Variants in CDC42BPB observed in about 807,000 individuals in gnomAD.
The protein encoded by CDC42BPB is CDC42 binding protein kinase beta.
Under a neutral mutation model 214.9 loss-of-function variants are expected in CDC42BPB, and 37 were observed. That is an observed-to-expected ratio of 0.17 (90% CI 0.13 to 0.23). The LOEUF (loss-of-function observed/expected upper bound fraction) is 0.23. CDC42BPB is among the 10% of genes least tolerant of loss of function. The probability of loss-of-function intolerance (pLI) is 1.00; values close to 1 mark genes in which losing one functional copy is unlikely to be tolerated. For synonymous variants in CDC42BPB, 931 were observed against 884.0 expected, an observed-to-expected ratio of 1.05 and a Z score of -0.94; for missense variants, 1,694 against 2,227.0, an observed-to-expected ratio of 0.76 and a Z score of 4.82.
In CDC42BPB at chr14:103,004,660, G is replaced by C. The variant is rs369121441; in HGVS notation, c.352-637C>G. Among the ~76,000 whole-genome samples, 7 of 152,102 alleles carry C rather than the reference G, an allele frequency of 4.6e-5. No individual in the cohort carries two copies. In the East Asian group the frequency reaches 5.8e-4, roughly 13 times the overall value. On this transcript the variant is annotated intron_variant, in intron 3 of 36. Transcript: ENST00000361246. The surrounding 1 kb of genome is among the most constrained non-coding windows in gnomAD (Gnocchi z 5.3). Reference sequence around the variant, plus strand: ...CACGGTGGCTCACACCTGAGGTCAGGAGTTCAAGACCAGCCTGGCCAACAT... The same window carrying C: ...CACGGTGGCTCACACCTGAGGTCAGCAGTTCAAGACCAGCCTGGCCAACAT...
In CDC42BPB at chr14:103,051,845, GT is replaced by G. The variant is rs139059244; in HGVS notation, c.175+5153del. Among the ~76,000 whole-genome samples the G allele has an allele frequency of 2.8e-3, 421 of 149,780 alleles. 1 individual carries two copies. Among genetic ancestry groups the G allele is most frequent in the African/African-American group, 0.01 (401 of 39,448 alleles). ...AGCCCAACTGTCATGGAAGGAAGAG[GT>G]TTTTTGTTTTTTTTTTGGAGACAGG... On this transcript the variant is annotated intron_variant, in intron 1 of 36. Transcript: ENST00000361246.
intron 1 of CDC42BPB, among the ~76,000 whole-genome samples, chr14:103,025,507 A>T (rs1887000426): frequency 7.1e-6 from 1 of 140,118 alleles, no homozygotes; most frequent in Admixed American, 7.1e-5. Context: ...AGTACACATT[A>T]AAAAAAAAAA....
intron 36 of CDC42BPB, among the ~76,000 whole-genome samples, chr14:102,935,529 C>G (rs1454366475): frequency 6.6e-6 from 1 of 152,168 alleles, no homozygotes; most frequent in Non-Finnish European, 1.5e-5. Flanking sequence ...GTGCCTCACG[C>G]CTGTAATCCC....
rs761685326 is a variant in CDC42BPB, at chr14:102,933,775, G to A, written c.5073C>T (p.Pro1691=). ...NSSNPSGPPS[P]NSPHRSQLPL... ...GGAGCTGGCTCCTGTGGGGGGAGTT[G>A]GGGCTCGGTGGGCCGCTGGGGTTGG... The change falls in exon 37 of 37, where the codon CCC becomes CCT. Residue 1691 remains proline, a synonymous_variant. Transcript: ENST00000361246. 6.7e-7 allele frequency: 1 copy of A among 1,500,854 alleles called. No homozygotes were observed. Among genetic ancestry groups the A allele is most frequent in the East Asian group, 2.7e-5 (1 of 37,316 alleles). The allele number at this position is 1,500,854 out of a possible 1,614,324, so 93.0% of individuals were successfully genotyped here. A position where few individuals can be genotyped will look rare whatever the true frequency, so the allele number is the denominator to read the frequency against.
At chr14:102,983,113 C>T (rs1894077660) in intron 7 of CDC42BPB, among the ~76,000 whole-genome samples, 1 of 152,184 alleles carries the variant, frequency 6.6e-6, no homozygotes, top group African/African-American at 2.4e-5. Context: ...GGGGAACAGA[C>T]TTGAGAATCA....
intron 1 of CDC42BPB, among the ~76,000 whole-genome samples, chr14:103,022,339 C>A (rs1428379138): frequency 2.0e-5 from 3 of 152,054 alleles, no homozygotes; most frequent in Admixed American, 6.5e-5. Context: ...GGGGTGGAGA[C>A]AGAAGAGAGA....
In CDC42BPB at chr14:102,954,313, T is replaced by C. The variant is rs774022205; in HGVS notation, c.2989-38A>G. ...CAGGACAGGTGAGTGTCGGCCCAGCTCAGCATGGCTGAGACACCTGGCCCT... is the reference window on the plus strand; with the variant it reads ...CAGGACAGGTGAGTGTCGGCCCAGCCCAGCATGGCTGAGACACCTGGCCCT... On this transcript the variant is annotated intron_variant, in intron 22 of 36. Transcript: ENST00000361246. 115 of 1,475,992 alleles carry C rather than the reference T, an allele frequency of 7.8e-5. No homozygotes were observed. In the African/African-American group the frequency reaches 1.6e-3, roughly 21 times the overall value. 91.4% of individuals were successfully genotyped at this position (1,475,992 alleles called of 1,614,324 possible).
intron 1 of CDC42BPB, among the ~76,000 whole-genome samples, chr14:103,051,426 TAAA>T (rs549332515): frequency 2.2e-4 from 18 of 80,794 alleles, no homozygotes; most frequent in Admixed American, 4.2e-4. Flanking sequence ...CTCTTCCAGC[TAAA>T]AAAAAAAAAA....
intron 1 of CDC42BPB, among the ~76,000 whole-genome samples, chr14:103,051,741 G>A (rs1376661838): frequency 6.6e-6 from 1 of 152,274 alleles, no homozygotes. Context: ...GTGGTATCCT[G>A]AAGTGAGAAC....
Position 102,974,048 on chromosome 14 carries a change from C to T in CDC42BPB, c.1609G>A (p.Val537Met), listed in dbSNP as rs140070781. ...RLRGLEKQHR[V>M]VRQEKEELHK... Reference sequence around the variant, plus strand: ...AGCTCCTCCTTCTCCTGCCGGACCACGCGGTGCTGCTTCTCCAGCCCCCGC... The same window carrying T: ...AGCTCCTCCTTCTCCTGCCGGACCATGCGGTGCTGCTTCTCCAGCCCCCGC... Residue 537 changes from valine (V) to methionine (M), a missense_variant, in exon 12 of 37, where the codon GTG (valine) becomes ATG (methionine). Around this residue, in one of 7 missense-constraint regions of CDC42BPB, gnomAD observed 462 missense variants for 513.5 expected, o/e 0.90. Transcript: ENST00000361246. 156 of 1,613,110 alleles carry T rather than the reference C, an allele frequency of 9.7e-5. 1 individual carries two copies. Among genetic ancestry groups the T allele is most frequent in the African/African-American group, 6.3e-4 (47 of 74,996 alleles).
intron 28 of CDC42BPB, among the ~76,000 whole-genome samples, chr14:102,946,244 C>T (rs1185745864): frequency 1.3e-5 from 2 of 151,992 alleles, no homozygotes; most frequent in East Asian, 1.9e-4. Flanking sequence ...AGGATGGTCT[C>T]AACCTCCTGA....
At chr14:102,942,305 C>T (rs1408193926) in intron 30 of CDC42BPB, among the ~76,000 whole-genome samples, 2 of 152,190 alleles carry the variant, frequency 1.3e-5, no homozygotes, top group African/African-American at 2.4e-5. Context: ...TGGAGCTGGC[C>T]GTGCACCTCA....
In CDC42BPB at chr14:102,954,178, G is replaced by C. The variant is rs1184761202; in HGVS notation, c.3066+20C>G. Reference sequence around the variant, plus strand: ...ACTAAATAACTAAGAAGGCGCCCCGGGTGAAAGCAAGGCCCCTACCTTCGG... The same window carrying C: ...ACTAAATAACTAAGAAGGCGCCCCGCGTGAAAGCAAGGCCCCTACCTTCGG... On this transcript the variant is annotated intron_variant, in intron 23 of 36. Transcript: ENST00000361246. The C allele has an allele frequency of 1.3e-6, 2 of 1,511,730 alleles. No homozygotes were observed. The highest frequency in any genetic ancestry group is 1.8e-6 in the Non-Finnish European group (2 of 1,111,922). The allele number at this position is 1,511,730 out of a possible 1,614,324, so 93.6% of individuals were successfully genotyped here.
chr14:103,053,352 A>G lies in CDC42BPB; in HGVS notation c.175+3647T>C, dbSNP rs140926511. Among the ~76,000 whole-genome samples, 903 of 151,966 alleles carry G rather than the reference A, an allele frequency of 5.9e-3. 7 individuals carry two copies. Among genetic ancestry groups the G allele is most frequent in the African/African-American group, 0.013 (519 of 41,446 alleles). On this transcript the variant is annotated intron_variant, in intron 1 of 36. Transcript: ENST00000361246. ...ACAGAGTGAGACTCCGTCTCAAAAAAAAAAGAAAAGAAAAGAAAAGAATAC... is the reference window on the plus strand; with the variant it reads ...ACAGAGTGAGACTCCGTCTCAAAAAGAAAAGAAAAGAAAAGAAAAGAATAC...
At chr14:102,974,728 C>A (rs1158239627) in intron 11 of CDC42BPB, among the ~76,000 whole-genome samples, 1 of 152,292 alleles carries the variant, frequency 6.6e-6, no homozygotes. Context: ...GAGGCCAAGG[C>A]AGGCGGATCA....
In CDC42BPB at chr14:102,940,161, C is replaced by T. The variant is rs370731968; in HGVS notation, c.4507-31G>A. 14 of 1,613,950 alleles carry T rather than the reference C, an allele frequency of 8.7e-6. No homozygotes were observed. The South Asian group carries it at 8.8e-5, about 10-fold the overall frequency. Reference sequence around the variant, plus strand: ...TTGGAAACCAGGGAGGGACAGTAAGCGCGGCCACGCACAGACTGCACCGGG... The same window carrying T: ...TTGGAAACCAGGGAGGGACAGTAAGTGCGGCCACGCACAGACTGCACCGGG... On this transcript the variant is annotated intron_variant, in intron 31 of 36. Coordinates refer to ENST00000361246, the MANE Select transcript of CDC42BPB (RefSeq NM_006035.4).
chr14:102,967,961 G>A (rs1303724231), intron 16 of CDC42BPB, among the ~76,000 whole-genome samples: 3 of 152,120 alleles, frequency 2.0e-5, no homozygotes, highest in Non-Finnish European at 4.4e-5. Context: ...CAGGCGTGGT[G>A]GCAGACGCCT....
At chr14:102,958,540 G>A (rs1437088441) in intron 21 of CDC42BPB, among the ~76,000 whole-genome samples, 1 of 152,076 alleles carries the variant, frequency 6.6e-6, no homozygotes, top group Non-Finnish European at 1.5e-5. Flanking sequence ...TGCTATCAAG[G>A]GTGCATCCCT....
At chr14:102,956,137 G>A (rs1892696046) in intron 21 of CDC42BPB, 1 of 152,206 alleles carries the variant, frequency 6.6e-6, no homozygotes, top group Admixed American at 6.5e-5. Flanking sequence ...CATTTAGTTG[G>A]TTAATTAATC....
Sources: allele counts gnomAD v4.1 joint callset (sites outside exome capture counted in the v4.1 genomes callset), GRCh38; gene constraint gnomAD v4.1.1; regional missense constraint gnomAD v4.1.1; non-coding constraint Gnocchi (gnomAD v3.1); transcripts MANE v1.5; gene names NCBI Gene and HGNC (gene_info 2026-07-23, HGNC 2026-07-21).